The following LTBP1 variants were observed in gnomAD, a reference collection of about 807,000 sequenced individuals.
The protein encoded by LTBP1 is latent transforming growth factor beta binding protein 1.
Under a neutral mutation model 207.6 loss-of-function variants are expected in LTBP1, and 129 were observed. That is an observed-to-expected ratio of 0.62 (90% CI 0.54 to 0.72). LTBP1 has a LOEUF of 0.72. Among genes scored for constraint, LTBP1 ranks in the 30% least tolerant of loss-of-function variants. The pLI, the probability that LTBP1 is intolerant of heterozygous loss-of-function variation, is 0.00. For missense variants in LTBP1, 2,281 were observed against 2,217.2 expected (o/e 1.03, Z -0.58); for synonymous variants, 963 against 833.7 (o/e 1.16, Z -2.67).
chr2:33,212,659 A>G (rs1472551874), intron 7 of LTBP1, among the ~76,000 whole-genome samples: 1 of 152,140 alleles, frequency 6.6e-6, no homozygotes. Context: ...TGTTGAAAAG[A>G]TCTTCTGCTT....
intron 13 of LTBP1, 21 bp downstream of exon 13, chr2:33,259,631 A>G: frequency 6.3e-7 from 1 of 1,593,710 alleles, no homozygotes; most frequent in Non-Finnish European, 8.5e-7. Context: ...CATTGCTTGC[A>G]AGTCTTTTTT....
chr2:33,138,181 G>C (rs1189122058), intron 5 of LTBP1, among the ~76,000 whole-genome samples: 1 of 152,156 alleles, frequency 6.6e-6, no homozygotes, highest in Non-Finnish European at 1.5e-5. Context: ...GTGAGTCTGG[G>C]CTTTCCAGGT....
chr2:33,356,418 G>A (rs78443784), intron 26 of LTBP1, among the ~76,000 whole-genome samples: 1,681 of 152,224 alleles, frequency 0.011, 30 homozygotes, highest in African/African-American at 0.038. Context: ...GGTGACTCAC[G>A]CCTGTAATCC....
At chr2:33,396,647 C>T (rs1574163558) in intron 32 of LTBP1, among the ~76,000 whole-genome samples, 2 of 152,310 alleles carry the variant, frequency 1.3e-5, no homozygotes, top group Non-Finnish European at 2.9e-5. Flanking sequence ...AGCAAACAAA[C>T]ACATGGCAGA....
intron 23 of LTBP1, among the ~76,000 whole-genome samples, chr2:33,314,576 T>C (rs1311594799): frequency 2.6e-5 from 4 of 152,188 alleles, no homozygotes; most frequent in South Asian, 4.1e-4. Flanking sequence ...CTTCTTTTAC[T>C]TGTATTTTAT....
In LTBP1 at chr2:33,293,213, C is replaced by T; in HGVS notation, c.3166C>T (p.Leu1056Phe). 1 of 1,614,072 alleles carries T rather than the reference C, an allele frequency of 6.2e-7. No homozygotes were observed. The highest frequency in any genetic ancestry group is 8.5e-7 in the Non-Finnish European group (1 of 1,179,988). ...NVCANGDCSN[L>F]EGSYMCSCHK... ...CTGCGCAAATGGTGATTGTTCCAAC[C>T]TTGAAGGCTCCTACATGTGTTCATG... The change falls in exon 20 of 34, where the codon CTT (leucine) becomes TTT (phenylalanine). Residue 1056 changes from leucine (L) to phenylalanine (F), a missense_variant. Leu to Phe is a conservative substitution (Grantham distance 22). Coordinates refer to ENST00000404816, the MANE Select transcript of LTBP1 (RefSeq NM_206943.4).
chr2:33,192,329 A>C (rs1041178547), intron 7 of LTBP1, among the ~76,000 whole-genome samples: 14 of 152,306 alleles, frequency 9.2e-5, no homozygotes, highest in Middle Eastern at 3.4e-3. Flanking sequence ...TCCTGCTGTG[A>C]GACAGTATAG....
Position 33,148,803 on chromosome 2 carries a change from A to G in LTBP1, c.1201+13843A>G, listed in dbSNP as rs566906790. On this transcript the variant is annotated intron_variant, in intron 5 of 33. Coordinates refer to ENST00000404816, the MANE Select transcript of LTBP1 (RefSeq NM_206943.4). ...TCAACTGGGGCAGTTTTGCACCCCCACCTAAGAGACACATTTGGCAATGCC... is the reference window on the plus strand; with the variant it reads ...TCAACTGGGGCAGTTTTGCACCCCCGCCTAAGAGACACATTTGGCAATGCC... Among the ~76,000 whole-genome samples, 6 of 152,312 alleles carry G rather than the reference A, an allele frequency of 3.9e-5. No individual in the cohort carries two copies. The South Asian group carries it at 1.2e-3, about 32-fold the overall frequency.
intron 2 of LTBP1, among the ~76,000 whole-genome samples, chr2:32,974,221 G>A (rs219037): frequency 0.48 from 73,056 of 152,084 alleles, 19,135 homozygotes; most frequent in East Asian, 0.68. Flanking sequence ...CATGAACAGC[G>A]TATGAAGGTT....
intron 3 of LTBP1, among the ~76,000 whole-genome samples, chr2:33,087,084 C>CTTTTTTTTTGTTTTTTTTTTTTT (rs2078804785): frequency 1.1e-5 from 1 of 89,026 alleles, no homozygotes; most frequent in Non-Finnish European, 2.1e-5. Flanking sequence ...CTCCTTTATG[C>CTTTTTTTTTGTTTTTTTTTTTTT]TTTTTTTTTT....
At chr2:33,316,659 G>A (rs1048676611) in intron 24 of LTBP1, among the ~76,000 whole-genome samples, 3 of 152,180 alleles carry the variant, frequency 2.0e-5, no homozygotes, top group African/African-American at 7.2e-5. Context: ...GAGAGATTTA[G>A]AAGAAATCCC....
intron 24 of LTBP1, among the ~76,000 whole-genome samples, chr2:33,324,429 A>T (rs1174519144): frequency 6.6e-6 from 1 of 152,038 alleles, no homozygotes; most frequent in Non-Finnish European, 1.5e-5. Flanking sequence ...AACACAGTAT[A>T]TATATATGGT....
chr2:33,208,845 T>C (rs1205117292), intron 7 of LTBP1, among the ~76,000 whole-genome samples: 1 of 150,830 alleles, frequency 6.6e-6, no homozygotes, highest in Non-Finnish European at 1.5e-5. Flanking sequence ...GATTTTAGTG[T>C]CTAGTCCAGT....
intron 31 of LTBP1, among the ~76,000 whole-genome samples, chr2:33,376,704 C>A (rs1001809515): frequency 1.3e-5 from 2 of 152,176 alleles, no homozygotes; most frequent in African/African-American, 4.8e-5. Context: ...TATACATGCC[C>A]TCCCGTAGGA....
intron 4 of LTBP1, among the ~76,000 whole-genome samples, chr2:33,117,996 G>A: frequency 6.6e-6 from 1 of 152,276 alleles, no homozygotes; most frequent in Non-Finnish European, 1.5e-5. Flanking sequence ...AGAAGCAGCA[G>A]CAGGAGAAAT....
chr2:33,106,085 G>A (rs1277165560), intron 3 of LTBP1, among the ~76,000 whole-genome samples: 1 of 152,126 alleles, frequency 6.6e-6, no homozygotes, highest in Non-Finnish European at 1.5e-5. Flanking sequence ...ATGTTTCTTT[G>A]CTCATCTGTA....
At chr2:32,993,077 A>C (rs1684669759) in intron 2 of LTBP1, among the ~76,000 whole-genome samples, 1 of 152,098 alleles carries the variant, frequency 6.6e-6, no homozygotes. Context: ...AGCCCACAGC[A>C]GCTGGCAGCG....
intron 3 of LTBP1, among the ~76,000 whole-genome samples, chr2:33,104,708 T>G (rs942091321): frequency 1.3e-5 from 2 of 152,184 alleles, no homozygotes; most frequent in Non-Finnish European, 2.9e-5. Flanking sequence ...CTGAAACATT[T>G]TTGCATTTGA....
intron 24 of LTBP1, among the ~76,000 whole-genome samples, chr2:33,341,560 A>C (rs2094620831): frequency 6.6e-6 from 1 of 151,518 alleles, no homozygotes. Context: ...AAATACAAAA[A>C]ATTAGCCAGG....
Sources: gnomAD v4.1 joint callset for allele counts (sites outside exome capture counted in the v4.1 genomes callset) on GRCh38, gnomAD v4.1.1 for gene constraint, MANE v1.5 for transcripts, NCBI Gene and HGNC (gene_info 2026-07-23, HGNC 2026-07-21) for gene names.